BCKDHB: variants seen among roughly 807,000 people sequenced by gnomAD.
The protein encoded by BCKDHB is 2-oxoisovalerate dehydrogenase subunit beta, mitochondrial.
BCKDHB carries 41 observed loss-of-function variants against 48.5 expected under a neutral mutation model. The ratio of observed to expected loss-of-function variants is 0.85; its 90% CI spans 0.66 to 1.10. BCKDHB has a LOEUF of 1.10. Among genes scored for constraint, BCKDHB ranks in the 50% least tolerant of loss-of-function variants. The pLI, the probability that BCKDHB is intolerant of heterozygous loss-of-function variation, is 0.00. For synonymous variants in BCKDHB, 201 were observed against 174.8 expected, an observed-to-expected ratio of 1.15 and a Z score of -1.18; for missense variants, 496 against 494.2, an observed-to-expected ratio of 1.00 and a Z score of -0.03.
At chr6:80,349,749 T>C (rs1770343743), downstream of BCKDHB, among the ~76,000 whole-genome samples, 1 of 152,156 alleles carries the variant, frequency 6.6e-6, no homozygotes, top group Admixed American at 6.5e-5. Context: ...TTAAATCCTT[T>C]ATGTTACAAA....
the BCKDHB span, among the ~76,000 whole-genome samples, chr6:80,371,990 T>C: frequency 5.0e-4 from 76 of 152,224 alleles, no homozygotes; most frequent in South Asian, 0.016. Context: ...CATATGAATT[T>C]TGGATTGTTT....
the BCKDHB span, among the ~76,000 whole-genome samples, chr6:80,368,669 G>A: frequency 6.6e-6 from 1 of 151,638 alleles, no homozygotes; most frequent in Admixed American, 6.6e-5. Flanking sequence ...CAAATAAGCG[G>A]TTTCATTTCT....
rs547158365 is a variant in BCKDHB at position 80,335,884 on chromosome 6, C to A, written c.1039-7780C>A. Among the ~76,000 whole-genome samples the A allele has an allele frequency of 1.4e-4, 21 of 152,036 alleles. No individual in the cohort carries two copies. In the East Asian group the frequency reaches 3.9e-3, roughly 28 times the overall value. ...GTTTATATGAGGTGCTAGTTCTTAC[C>A]TTTATGATTGCTAATTTAGATTTTA... On this transcript the variant is annotated intron_variant, in intron 9 of 9. Transcript: ENST00000320393.
the BCKDHB span, among the ~76,000 whole-genome samples, chr6:80,402,154 A>T: frequency 6.6e-6 from 1 of 151,848 alleles, no homozygotes; most frequent in Non-Finnish European, 1.5e-5. Flanking sequence ...TTACTGAATC[A>T]TATAGTAGTT....
intron 9 of BCKDHB, among the ~76,000 whole-genome samples, chr6:80,311,389 G>A (rs1376068699): frequency 9.2e-5 from 14 of 152,144 alleles, no homozygotes; most frequent in Admixed American, 9.2e-4. Flanking sequence ...CATTCTGTAG[G>A]TTGCCTGTTT....
At chr6:80,263,372 C>G (rs1446981700) in intron 8 of BCKDHB, among the ~76,000 whole-genome samples, 1 of 152,048 alleles carries the variant, frequency 6.6e-6, no homozygotes, top group Non-Finnish European at 1.5e-5. Context: ...AATTAAAACC[C>G]TCTTATCTTG....
chr6:80,197,922 C>T (rs139422545), intron 6 of BCKDHB, among the ~76,000 whole-genome samples: 3 of 148,688 alleles, frequency 2.0e-5, no homozygotes, highest in Admixed American at 7.0e-5. Flanking sequence ...GTCCATTGAT[C>T]TATCCATCTG....
intron 9 of BCKDHB, among the ~76,000 whole-genome samples, chr6:80,317,731 T>C (rs1317992863): frequency 6.6e-6 from 1 of 152,214 alleles, no homozygotes; most frequent in Non-Finnish European, 1.5e-5. Flanking sequence ...TCACAATCCC[T>C]TTCTCTTTTC....
intron 9 of BCKDHB, among the ~76,000 whole-genome samples, chr6:80,316,589 T>C (rs925414577): frequency 6.6e-6 from 1 of 152,242 alleles, no homozygotes; most frequent in Non-Finnish European, 1.5e-5. Flanking sequence ...GAGAAAATTA[T>C]GAAATCAAGG....
intron 8 of BCKDHB, among the ~76,000 whole-genome samples, chr6:80,259,198 C>G (rs534771470): frequency 6.6e-6 from 1 of 152,314 alleles, no homozygotes; most frequent in African/African-American, 2.4e-5. Flanking sequence ...GGAGATTTGT[C>G]TTGAATGCCT....
the BCKDHB span, among the ~76,000 whole-genome samples, chr6:80,411,896 C>T: frequency 5.9e-5 from 9 of 152,330 alleles, no homozygotes; most frequent in East Asian, 5.8e-4. Flanking sequence ...GGAAATCCCC[C>T]GACCCCTTCA....
chr6:80,416,768 ATTT>A, the BCKDHB span, among the ~76,000 whole-genome samples: 738 of 118,246 alleles, frequency 6.2e-3, 5 homozygotes, highest in Non-Finnish European at 0.013. Flanking sequence ...TTTTATTTTT[ATTT>A]TTATTTTTTT....
At chr6:80,464,293 A>AT in the BCKDHB span, among the ~76,000 whole-genome samples, 5 of 151,608 alleles carry the variant, frequency 3.3e-5, no homozygotes, top group Non-Finnish European at 7.4e-5. Flanking sequence ...CGCCCGGCTA[A>AT]TTTTTTTGTA....
chr6:80,337,318 A>G (rs1326643036), intron 9 of BCKDHB, among the ~76,000 whole-genome samples: 1 of 152,154 alleles, frequency 6.6e-6, no homozygotes, highest in Non-Finnish European at 1.5e-5. Context: ...AAAAGTATCA[A>G]CTATACATCA....
intron 9 of BCKDHB, among the ~76,000 whole-genome samples, chr6:80,277,571 A>T (rs1296919689): frequency 1.3e-5 from 2 of 152,094 alleles, no homozygotes; most frequent in South Asian, 2.1e-4. Flanking sequence ...AATTTTTTTT[A>T]AAGTTATTGT....
chr6:80,388,671 G>A, the BCKDHB span, among the ~76,000 whole-genome samples: 11 of 152,152 alleles, frequency 7.2e-5, no homozygotes, highest in African/African-American at 2.7e-4. Context: ...CTCTTCTCCT[G>A]CCACCCTGCC....
chr6:80,324,013 C>T (rs1768894654), intron 9 of BCKDHB, among the ~76,000 whole-genome samples: 1 of 152,150 alleles, frequency 6.6e-6, no homozygotes, highest in African/African-American at 2.4e-5. Context: ...ACCTCGTGAT[C>T]CACCTGCCTC....
chr6:80,410,480 TTG>T, the BCKDHB span, among the ~76,000 whole-genome samples: 1 of 152,192 alleles, frequency 6.6e-6, no homozygotes, highest in Non-Finnish European at 1.5e-5. Flanking sequence ...TTTCCTGAAT[TTG>T]AATGTTGGCC....
At chr6:80,416,848 C>T in the BCKDHB span, among the ~76,000 whole-genome samples, 138,474 of 151,478 alleles carry the variant, frequency 0.91, 63,398 homozygotes, top group East Asian at 0.98. Context: ...TTTTGTTTGT[C>T]TGGTGGAGAG....
Sources: allele counts gnomAD v4.1 joint callset (sites outside exome capture counted in the v4.1 genomes callset), GRCh38; gene constraint gnomAD v4.1.1; transcripts MANE v1.5; gene names NCBI Gene and HGNC (gene_info 2026-07-23, HGNC 2026-07-21).